ANKS1A: variants seen among roughly 807,000 people sequenced by gnomAD.
ANKS1A encodes the protein ankyrin repeat and sterile alpha motif domain containing 1A, also known as ankyrin repeat and SAM domain-containing protein 1A.
Under a neutral mutation model 120.3 loss-of-function variants are expected in ANKS1A, and 55 were observed. That is an observed-to-expected ratio of 0.46 (90% CI 0.37 to 0.57). The LOEUF is 0.57. ANKS1A is among the 20% of genes least tolerant of loss of function. The pLI is 0.00. For synonymous variants in ANKS1A, 590 were observed against 604.7 expected (o/e 0.98, Z 0.36); for missense variants, 1,123 against 1,480.3 (o/e 0.76, Z 3.96).
chr6:35,051,807 A>G (rs1375277005), intron 11 of ANKS1A, among the ~76,000 whole-genome samples: 1 of 152,244 alleles, frequency 6.6e-6, no homozygotes, highest in Non-Finnish European at 1.5e-5. Flanking sequence ...GTATCAAAAA[A>G]TAAGTGTAAG....
At chr6:34,998,333 T>C (rs1249318349) in intron 10 of ANKS1A, among the ~76,000 whole-genome samples, 1 of 101,642 alleles carries the variant, frequency 9.8e-6, no homozygotes, top group African/African-American at 3.6e-5. Context: ...CTTAGTATAA[T>C]TAAAAAAACT....
rs1448328033 is a variant in ANKS1A at position 35,079,943 on chromosome 6, G to A, written c.2544+15G>A. 6.4e-7 allele frequency: 1 copy of A among 1,551,404 alleles called. No individual in the cohort carries two copies. Among genetic ancestry groups the A allele is most frequent in the Non-Finnish European group, 8.7e-7 (1 of 1,146,736 alleles). ...CCCAGCTGAGGGTGAGTCGGGGAGG[G>A]ACAGAAAGGAATGTATGTTTGTTCC... is the stretch of plus-strand genomic sequence containing the variant. On this transcript the variant is annotated intron_variant, in intron 16 of 23. Transcript: ENST00000360359.
intron 5 of ANKS1A, 98 bp from the exon 6 acceptor site, chr6:34,983,015 C>A: frequency 1.5e-6 from 2 of 1,318,676 alleles, no homozygotes. Flanking sequence ...AAAATGTTGG[C>A]CATGCTGCTG....
At chr6:35,049,085 T>C (rs1197432899) in intron 11 of ANKS1A, among the ~76,000 whole-genome samples, 1 of 152,204 alleles carries the variant, frequency 6.6e-6, no homozygotes, top group African/African-American at 2.4e-5. Context: ...TGCTTGGCTG[T>C]GAGTCGAGGC....
intron 1 of ANKS1A, among the ~76,000 whole-genome samples, chr6:34,935,148 G>A (rs918795339): frequency 2.0e-5 from 3 of 152,184 alleles, no homozygotes; most frequent in African/African-American, 7.2e-5. Context: ...GTGCAGTGGT[G>A]TGATCATAGT....
chr6:34,908,524 C>G (rs150438646), intron 1 of ANKS1A, among the ~76,000 whole-genome samples: 2 of 152,192 alleles, frequency 1.3e-5, no homozygotes, highest in African/African-American at 2.4e-5. Context: ...GAGAGAGAGA[C>G]AATTCAAACA....
intron 1 of ANKS1A, among the ~76,000 whole-genome samples, chr6:34,929,819 TTC>T (rs1183256551): frequency 7.2e-5 from 10 of 138,512 alleles, no homozygotes; most frequent in African/African-American, 2.5e-4. Context: ...CTCTCTCTCT[TTC>T]TCTTTCTTTC....
intron 13 of ANKS1A, among the ~76,000 whole-genome samples, chr6:35,076,366 C>T (rs1017650940): frequency 2.2e-4 from 33 of 152,078 alleles, no homozygotes; most frequent in African/African-American, 7.7e-4. Context: ...GAGCTGAGAT[C>T]GTGCCACTGC....
At position 35,079,613 on chromosome 6, in the gene ANKS1A, G is replaced by A. The variant is rs777303292; in HGVS notation, c.2381G>A (p.Ser794Asn). Residue 794 changes from serine to asparagine, a missense_variant, in exon 15 of 24, where the codon AGT (serine) becomes AAT (asparagine). Ser to Asn is a conservative substitution (Grantham distance 46). Transcript: ENST00000360359. The stretch of plus-strand genomic sequence containing the variant: ...GACTACGTCCATTCCTTCTTGTCAA[G>A]TGGTTACAGCTCCATTGACACCGTG... ...LQDYVHSFLS[S>N]GYSSIDTVKN... 1.2e-6 allele frequency: 2 copies of A among 1,614,194 alleles called. No homozygotes were observed. Among genetic ancestry groups the A allele is most frequent in the South Asian group, 2.2e-5 (2 of 91,090 alleles).
intron 1 of ANKS1A, among the ~76,000 whole-genome samples, chr6:34,921,423 A>G (rs911908099): frequency 1.3e-5 from 2 of 152,238 alleles, no homozygotes; most frequent in African/African-American, 4.8e-5. Flanking sequence ...GGATAAGCTG[A>G]TGAGCAACTT....
At chr6:34,976,372 C>T (rs1339684858) in intron 3 of ANKS1A, among the ~76,000 whole-genome samples, 2 of 152,030 alleles carry the variant, frequency 1.3e-5, no homozygotes, top group Non-Finnish European at 2.9e-5. Flanking sequence ...CCTTTTTCAA[C>T]AAGTCGGTGT....
Position 34,931,537 on chromosome 6 carries a change from C to T in ANKS1A, c.198-35702C>T, listed in dbSNP as rs75905478. ...TTTATTTTTGCATAGAGGACCCCTA[C>T]TCTCTCCCCTTCTGCTTTTTTTACT... On this transcript the variant is annotated intron_variant, in intron 1 of 23. Transcript: ENST00000360359. 7.6e-3 allele frequency among the ~76,000 whole-genome samples: 1,162 copies of T among 152,288 alleles called. 21 individuals are homozygous for T. Among genetic ancestry groups the T allele is most frequent in the African/African-American group, 0.026 (1,063 of 41,538 alleles).
At chr6:34,966,405 ACTTC>A (rs1266194316) in intron 1 of ANKS1A, among the ~76,000 whole-genome samples, 1 of 152,208 alleles carries the variant, frequency 6.6e-6, no homozygotes, top group African/African-American at 2.4e-5. Context: ...AAAATAGGAT[ACTTC>A]CTTTACAAGT....
Position 35,057,867 on chromosome 6 carries a change from A to G in ANKS1A, c.2078-2280A>G, listed in dbSNP as rs533457827. 8.5e-5 allele frequency among the ~76,000 whole-genome samples: 13 copies of G among 152,340 alleles called. No individual in the cohort carries two copies. In the South Asian group the frequency reaches 2.5e-3, roughly 29 times the overall value. ...TGGGCTATGCCCTTTGGGTCTGGTC[A>G]TTCCTGTGTCCTCTCCTGGCTGTCC... On this transcript the variant is annotated intron_variant, in intron 12 of 23. Transcript: ENST00000360359. This position sits in a 1 kb window ranked among gnomAD's most constrained non-coding sequence, Gnocchi z 4.1.
rs560274170 is a variant in ANKS1A at position 34,894,317 on chromosome 6, A to G, written c.197+4718A>G. Among the ~76,000 whole-genome samples, 18 of 152,304 alleles carry G rather than the reference A, an allele frequency of 1.2e-4. No individual in the cohort carries two copies. In the South Asian group the frequency reaches 1.2e-3, roughly 11 times the overall value. On this transcript the variant is annotated intron_variant, in intron 1 of 23. Coordinates refer to ENST00000360359, the MANE Select transcript of ANKS1A (RefSeq NM_015245.3). ...TAAGATTTGGTTAAAAGTAAATTCT[A>G]TCAACTAAAAGGCCAAAAAGATCTG...
chr6:35,025,527 C>T (rs1235766045), intron 11 of ANKS1A, among the ~76,000 whole-genome samples: 2 of 151,908 alleles, frequency 1.3e-5, no homozygotes, highest in African/African-American at 4.8e-5. Flanking sequence ...GGGAATGCAC[C>T]CTCCCTGCTG....
chr6:35,052,875 T>G (rs1049353883), intron 11 of ANKS1A, among the ~76,000 whole-genome samples: 1 of 151,980 alleles, frequency 6.6e-6, no homozygotes, highest in Non-Finnish European at 1.5e-5. Context: ...GCTGCAGGGG[T>G]CAGATTCGTT....
rs190989757 is a variant in ANKS1A, at chr6:34,970,246, G to A, written c.435+80G>A. 72 of 1,451,550 alleles carry A rather than the reference G, an allele frequency of 5.0e-5. No homozygotes were observed. In the East Asian group the frequency reaches 1.5e-3, roughly 31 times the overall value. The allele number at this position is 1,451,550 out of a possible 1,614,324, so 89.9% of individuals were successfully genotyped here. On this transcript the variant is annotated intron_variant, in intron 3 of 23. Transcript: ENST00000360359. The stretch of plus-strand genomic sequence containing the variant: ...ACCCCATCACCATCTTAGCCCCATA[G>A]TTCAAATCTCAGAGAACCAGCTCTT...
Position 35,084,171 on chromosome 6 carries a change from C to G in ANKS1A, c.3045C>G (p.Asp1015Glu). ...GGAACATTTCCTGTGCGGCCCAGGACCCGGAGGACCTCTGTACCTTTGCCT... is the reference window on the plus strand; with the variant it reads ...GGAACATTTCCTGTGCGGCCCAGGAGCCGGAGGACCTCTGTACCTTTGCCT... ...EIRNISCAAQDPEDLCTFAYI... is the reference protein window; with the variant it reads ...EIRNISCAAQEPEDLCTFAYI... The change falls in exon 21 of 24, where the codon GAC becomes GAG. Residue 1015 changes from aspartate (D) to glutamate (E), a missense_variant. Physicochemically the swap from Asp to Glu is conservative, Grantham distance 45 (BLOSUM62 2). This residue lies in a region of ANKS1A where 904 missense variants were observed against 1,130.4 expected (regional missense o/e 0.80). Transcript: ENST00000360359. This position sits in a 1 kb window ranked among gnomAD's most constrained non-coding sequence, Gnocchi z 4.8. 2 of 1,614,214 alleles carry G rather than the reference C, an allele frequency of 1.2e-6. No homozygotes were observed. The highest frequency in any genetic ancestry group is 2.2e-5 in the South Asian group (2 of 91,080).
Sources: allele counts gnomAD v4.1 joint callset (sites outside exome capture counted in the v4.1 genomes callset), GRCh38; gene constraint gnomAD v4.1.1; regional missense constraint gnomAD v4.1.1; non-coding constraint Gnocchi (gnomAD v3.1); transcripts MANE v1.5; gene names NCBI Gene and HGNC (gene_info 2026-07-23, HGNC 2026-07-21).